The following PCSK2 variants were observed in gnomAD, a reference collection of about 807,000 sequenced individuals.
PCSK2 encodes neuroendocrine convertase 2.
In PCSK2, 14 loss-of-function variants were observed where a neutral mutation model predicts 69.7. That is an observed-to-expected ratio of 0.20 (90% CI 0.13 to 0.31). The LOEUF (loss-of-function observed/expected upper bound fraction) is 0.31. Ranked by LOEUF, PCSK2 falls within the 10% of genes least tolerant of loss-of-function variation. PCSK2 has a pLI of 1.00. For missense variants in PCSK2, 544 were observed against 842.5 expected (o/e 0.65, Z 4.39); for synonymous variants, 307 against 320.7 (o/e 0.96, Z 0.46).
intron 1 of PCSK2, among the ~76,000 whole-genome samples, chr20:17,245,113 C>A (rs753389162): frequency 6.6e-6 from 1 of 152,112 alleles, no homozygotes; most frequent in African/African-American, 2.4e-5. Flanking sequence ...AGTTTCCTCC[C>A]GAAGAAGAGC....
At chr20:17,438,325 A>C (rs1483167453) in intron 8 of PCSK2, among the ~76,000 whole-genome samples, 1 of 152,210 alleles carries the variant, frequency 6.6e-6, no homozygotes, top group Non-Finnish European at 1.5e-5. Flanking sequence ...CATTGATAAC[A>C]CTAAAATAAG....
chr20:17,472,427 G>C (rs1021151007), intron 11 of PCSK2, among the ~76,000 whole-genome samples: 1 of 152,228 alleles, frequency 6.6e-6, no homozygotes, highest in African/African-American at 2.4e-5. Flanking sequence ...CTGCTACAGG[G>C]GGAGGAGAAA....
chr20:17,356,885 C>CAT (rs1417988390), intron 2 of PCSK2, among the ~76,000 whole-genome samples: 1 of 152,096 alleles, frequency 6.6e-6, no homozygotes, highest in Non-Finnish European at 1.5e-5. Context: ...CCCACAGAGG[C>CAT]ACCCCTAAGG....
At chr20:17,275,084 CATATATATATATATAT>C (rs11474649) in intron 2 of PCSK2, among the ~76,000 whole-genome samples, 2 of 141,550 alleles carry the variant, frequency 1.4e-5, no homozygotes, top group African/African-American at 5.2e-5. Flanking sequence ...ATTATTTATA[CATATATATATATATAT>C]ATATATATAT....
At chr20:17,393,354 A>T (rs1363674057) in intron 5 of PCSK2, among the ~76,000 whole-genome samples, 1 of 152,244 alleles carries the variant, frequency 6.6e-6, no homozygotes, top group Non-Finnish European at 1.5e-5. Flanking sequence ...ATAAATTTAA[A>T]TAAAATTCTG....
intron 2 of PCSK2, among the ~76,000 whole-genome samples, chr20:17,341,849 T>A (rs1387315049): frequency 1.0e-5 from 1 of 99,116 alleles, no homozygotes; most frequent in Non-Finnish European, 2.5e-5. Flanking sequence ...CTCCACAACT[T>A]TTTTTTTCCA....
intron 11 of PCSK2, among the ~76,000 whole-genome samples, chr20:17,476,224 C>T (rs1371754661): frequency 6.6e-6 from 1 of 152,210 alleles, no homozygotes; most frequent in Non-Finnish European, 1.5e-5. Context: ...ACTGAATGCC[C>T]TTGAAACAGA....
intron 5 of PCSK2, among the ~76,000 whole-genome samples, chr20:17,373,648 TC>T (rs1400704674): frequency 1.3e-5 from 2 of 152,310 alleles, no homozygotes; most frequent in African/African-American, 4.8e-5. Context: ...CCAAGGCTCC[TC>T]AAAAAAATTA....
intron 6 of PCSK2, among the ~76,000 whole-genome samples, chr20:17,423,881 G>A (rs1045262904): frequency 1.6e-4 from 25 of 152,234 alleles, no homozygotes; most frequent in African/African-American, 5.5e-4. Context: ...CTAGTGATGA[G>A]GAAATGCAAA....
intron 2 of PCSK2, among the ~76,000 whole-genome samples, chr20:17,323,295 A>T (rs927105208): frequency 1.3e-5 from 2 of 152,226 alleles, no homozygotes; most frequent in African/African-American, 4.8e-5. Flanking sequence ...ACACAGAGGG[A>T]TGACCATGTG....
intron 1 of PCSK2, among the ~76,000 whole-genome samples, chr20:17,246,577 G>A (rs541807187): frequency 3.9e-5 from 6 of 151,988 alleles, no homozygotes; most frequent in African/African-American, 1.4e-4. Flanking sequence ...TTTAACAGTG[G>A]AATAGTAAAT....
chr20:17,345,397 C>T (rs183821716), intron 2 of PCSK2, among the ~76,000 whole-genome samples: 1 of 152,274 alleles, frequency 6.6e-6, no homozygotes, highest in Non-Finnish European at 1.5e-5. Flanking sequence ...AGAATTCCAT[C>T]ATGTCCGTGC....
intron 2 of PCSK2, among the ~76,000 whole-genome samples, chr20:17,347,856 GAAA>G (rs1162914740): frequency 0.03 from 2,999 of 99,680 alleles, 231 homozygotes; most frequent in East Asian, 0.071. Context: ...AAGAAAGAAA[GAAA>G]GAGGAGAGAG....
chr20:17,394,357 C>T (rs895825867), intron 5 of PCSK2, among the ~76,000 whole-genome samples: 20 of 152,226 alleles, frequency 1.3e-4, no homozygotes, highest in African/African-American at 4.8e-4. Flanking sequence ...AGTGCATATC[C>T]TTGAACCACT....
rs577896271 is a variant in PCSK2, at chr20:17,482,212, A to G, written c.*142A>G. On this transcript the variant is annotated 3_prime_UTR_variant, in exon 12 of 12. Transcript: ENST00000262545. Reference sequence around the variant, plus strand: ...TAATCTGAAGCTTCACTCACTGTCAATGATTATTTTCATTACAATGGAAAC... The same window carrying G: ...TAATCTGAAGCTTCACTCACTGTCAGTGATTATTTTCATTACAATGGAAAC... 2.8e-6 allele frequency: 2 copies of G among 724,850 alleles called. No homozygotes were observed. Among genetic ancestry groups the G allele is most frequent in the African/African-American group, 1.8e-5 (1 of 56,536 alleles). The allele number at this position is 724,850 out of a possible 1,614,324, so 44.9% of individuals were successfully genotyped here.
chr20:17,364,643 C>G (rs2030528801), intron 4 of PCSK2, among the ~76,000 whole-genome samples: 1 of 152,136 alleles, frequency 6.6e-6, no homozygotes. Flanking sequence ...CCACCGGGTC[C>G]CCCCAACAAG....
rs185753227 is a variant in PCSK2, at chr20:17,374,737, G to A, written c.543+5460G>A. ...AACTCTGGGAAACAGTGTGGACCGA[G>A]TGGGCCTCAGAGTTACCCACAAACT... On this transcript the variant is annotated intron_variant, in intron 5 of 11. Coordinates refer to ENST00000262545, the MANE Select transcript of PCSK2 (RefSeq NM_002594.5). Among the ~76,000 whole-genome samples, 3 of 152,288 alleles carry A rather than the reference G, an allele frequency of 2.0e-5. No homozygotes were observed. In the East Asian group the frequency reaches 5.8e-4, roughly 29 times the overall value.
At chr20:17,239,404 G>A (rs1206124176) in intron 1 of PCSK2, among the ~76,000 whole-genome samples, 1 of 151,080 alleles carries the variant, frequency 6.6e-6, no homozygotes, top group African/African-American at 2.5e-5. Flanking sequence ...GAAGAAGGAT[G>A]GGAAACAAGC....
rs568285784 is a variant in PCSK2, at chr20:17,453,500, A to G, written c.886-242A>G. 1.8e-4 allele frequency among the ~76,000 whole-genome samples: 27 copies of G among 152,306 alleles called. No individual in the cohort carries two copies. Among genetic ancestry groups the G allele is most frequent in the Admixed American group, 1.4e-3 (22 of 15,302 alleles). ...TTAAGACAGTTCTTCCAATTTTCTT[A>G]CCTCATTATCCCCAGCTTAAATTGT... On this transcript the variant is annotated intron_variant, in intron 8 of 11. Coordinates refer to ENST00000262545, the MANE Select transcript of PCSK2 (RefSeq NM_002594.5). The surrounding 1 kb of genome is among the most constrained non-coding windows in gnomAD (Gnocchi z 4.0).
Sources: gnomAD v4.1 joint callset for allele counts (sites outside exome capture counted in the v4.1 genomes callset) on GRCh38, gnomAD v4.1.1 for gene constraint, Gnocchi (gnomAD v3.1) non-coding constraint, MANE v1.5 for transcripts, NCBI Gene and HGNC (gene_info 2026-07-23, HGNC 2026-07-21) for gene names.